Variants in WDR64 observed in about 807,000 individuals in gnomAD.
WDR64 encodes the protein WD repeat-containing protein 64.
Under a neutral mutation model 139.3 loss-of-function variants are expected in WDR64, and 112 were observed. That is an observed-to-expected ratio of 0.80 (90% CI 0.69 to 0.94). The LOEUF (loss-of-function observed/expected upper bound fraction) is 0.94, where lower values mean the gene tolerates loss of function less well. Among genes scored for constraint, WDR64 ranks in the 40% least tolerant of loss-of-function variants. The probability of loss-of-function intolerance (pLI) is 0.00; values close to 1 mark genes in which losing one functional copy is unlikely to be tolerated. For missense variants in WDR64, 1,206 were observed against 1,293.1 expected (o/e 0.93, Z 1.03); for synonymous variants, 444 against 437.7 (o/e 1.01, Z -0.18).
chr1:241,674,500 C>T, intron 3 of WDR64, 144 bp from the exon 4 acceptor site: 5 of 531,498 alleles, frequency 9.4e-6, no homozygotes, highest in Non-Finnish European at 1.0e-5. Context: ...AGCAATCCAC[C>T]TTCCTTAGCC....
rs949058882 is a variant in WDR64 at position 241,771,721 on chromosome 1, C to T, written c.2290+24C>T. ...AGGTCAGTATGAAATCACCTCTCTT[C>T]TTTATAATAAAGCAACTCCTTTGCA... On this transcript the variant is annotated intron_variant, in intron 19 of 27. Transcript: ENST00000437684. The T allele has an allele frequency of 2.8e-6, 4 of 1,416,950 alleles. No homozygotes were observed. In the African/African-American group the frequency reaches 4.4e-5, roughly 16 times the overall value. 87.8% of individuals were successfully genotyped at this position (1,416,950 alleles called of 1,614,324 possible). A position where few individuals can be genotyped will look rare whatever the true frequency, so the allele number is the denominator to read the frequency against.
At chr1:241,668,897 C>CA (rs71570905) in intron 2 of WDR64, among the ~76,000 whole-genome samples, 18,372 of 135,414 alleles carry the variant, frequency 0.14, 1,251 homozygotes, top group East Asian at 0.24. Context: ...AAGACTCCGT[C>CA]AAAAAAAAAA....
At chr1:241,780,736 G>C (rs2148315217) in intron 22 of WDR64, among the ~76,000 whole-genome samples, 1 of 152,186 alleles carries the variant, frequency 6.6e-6, no homozygotes, top group South Asian at 2.1e-4. Context: ...TTTTGTTTCA[G>C]AGAATCTATT....
At chr1:241,797,373 G>C (rs1294794798) in intron 27 of WDR64, among the ~76,000 whole-genome samples, 1 of 152,034 alleles carries the variant, frequency 6.6e-6, no homozygotes, top group African/African-American at 2.4e-5. Context: ...AGCTCTCAGG[G>C]GCCTAACTTA....
intron 7 of WDR64, among the ~76,000 whole-genome samples, chr1:241,686,378 T>C (rs976155009): frequency 6.6e-6 from 1 of 152,178 alleles, no homozygotes; most frequent in Non-Finnish European, 1.5e-5. Flanking sequence ...TTCAAACATA[T>C]CTGGCATGAG....
At chr1:241,716,521 T>C (rs1328401547) in intron 9 of WDR64, among the ~76,000 whole-genome samples, 6 of 152,142 alleles carry the variant, frequency 3.9e-5, no homozygotes, top group Non-Finnish European at 4.4e-5. Flanking sequence ...AAATATTTTC[T>C]GCACAATTGC....
At chr1:241,670,996 C>A in intron 2 of WDR64, 78 bp from the exon 3 acceptor site, 1 of 1,029,562 alleles carries the variant, frequency 9.7e-7, no homozygotes, top group Non-Finnish European at 1.4e-6. Flanking sequence ...GCTTTAAATT[C>A]AGCCAACATG....
intron 2 of WDR64, among the ~76,000 whole-genome samples, chr1:241,665,942 A>G (rs1666009476): frequency 6.6e-6 from 1 of 152,202 alleles, no homozygotes; most frequent in Admixed American, 6.5e-5. Context: ...AACTTCAAAA[A>G]TGTTAAAAGA....
intron 2 of WDR64, among the ~76,000 whole-genome samples, chr1:241,661,958 T>A (rs887916667): frequency 3.3e-5 from 5 of 152,232 alleles, no homozygotes; most frequent in Non-Finnish European, 2.9e-5. Context: ...AGAGGCTGAA[T>A]GGCCTGCAGG....
chr1:241,752,034 ATCAT>A (rs1338147811), intron 14 of WDR64, among the ~76,000 whole-genome samples: 2 of 152,202 alleles, frequency 1.3e-5, no homozygotes, highest in Non-Finnish European at 2.9e-5. Flanking sequence ...TGACCCCAAA[ATCAT>A]TCAAATTCTA....
chr1:241,800,323 A>C (rs76942502), intron 27 of WDR64, among the ~76,000 whole-genome samples: 3,388 of 152,130 alleles, frequency 0.022, 72 homozygotes, highest in South Asian at 0.033. Flanking sequence ...AACTCTCTAC[A>C]TCTCCTCTTC....
chr1:241,653,828 AGCCACCGT>A (rs1204886874), intron 1 of WDR64, among the ~76,000 whole-genome samples: 1 of 152,150 alleles, frequency 6.6e-6, no homozygotes, highest in Non-Finnish European at 1.5e-5. Flanking sequence ...TACAGGTGTG[AGCCACCGT>A]GCCCGGCCAA....
At chr1:241,713,173 A>T (rs1668242079) in intron 9 of WDR64, among the ~76,000 whole-genome samples, 2 of 151,562 alleles carry the variant, frequency 1.3e-5, no homozygotes, top group Non-Finnish European at 2.9e-5. Flanking sequence ...TTAGCTGAGC[A>T]TTTGGTGTGT....
At chr1:241,711,727 A>G (rs1668175993) in intron 8 of WDR64, 75 bp from the exon 9 acceptor site, 11 of 1,468,266 alleles carry the variant, frequency 7.5e-6, no homozygotes, top group East Asian at 2.4e-5. Flanking sequence ...CCTATCAAAC[A>G]TAATCTATTT....
intron 20 of WDR64, among the ~76,000 whole-genome samples, chr1:241,773,744 G>A (rs553891704): frequency 2.0e-5 from 3 of 152,296 alleles, no homozygotes; most frequent in Non-Finnish European, 2.9e-5. Context: ...GCGATTACAG[G>A]CGTGAGCCAC....
intron 3 of WDR64, among the ~76,000 whole-genome samples, chr1:241,674,165 A>G (rs1573995410): frequency 6.6e-6 from 1 of 151,868 alleles, no homozygotes; most frequent in African/African-American, 2.4e-5. Context: ...TTAAAACACA[A>G]TGGTTGCCGG....
At chr1:241,729,730 T>C (rs539528685) in intron 10 of WDR64, among the ~76,000 whole-genome samples, 21 of 152,354 alleles carry the variant, frequency 1.4e-4, no homozygotes, top group African/African-American at 4.6e-4. Flanking sequence ...AACCTGGAGA[T>C]AGAAAAACTA....
At chr1:241,693,580 C>G (rs879675147) in intron 8 of WDR64, among the ~76,000 whole-genome samples, 1 of 152,102 alleles carries the variant, frequency 6.6e-6, no homozygotes, top group Non-Finnish European at 1.5e-5. Flanking sequence ...ATTATTATAA[C>G]CAATGTAGCA....
chr1:241,795,967 A>C (rs1356473968), intron 26 of WDR64, among the ~76,000 whole-genome samples: 2 of 152,168 alleles, frequency 1.3e-5, no homozygotes, highest in African/African-American at 4.8e-5. Context: ...TAAGAGGTAG[A>C]CGGAATGCAG....
Sources: gnomAD v4.1 joint callset for allele counts (sites outside exome capture counted in the v4.1 genomes callset) on GRCh38, gnomAD v4.1.1 for gene constraint, MANE v1.5 for transcripts, NCBI Gene and HGNC (gene_info 2026-07-23, HGNC 2026-07-21) for gene names.